The following KLHL38 variants were observed in gnomAD, a reference collection of about 807,000 sequenced individuals.
The protein encoded by KLHL38 is kelch-like protein 38.
A neutral mutation model predicts 39.6 loss-of-function variants in KLHL38; 38 were observed. That is an observed-to-expected ratio of 0.96 (90% CI 0.74 to 1.26). KLHL38 has a LOEUF of 1.26. KLHL38 is among the 50% of genes most tolerant of loss of function. The pLI is 0.00. For synonymous variants in KLHL38, 322 were observed against 302.2 expected (o/e 1.07, Z -0.68); for missense variants, 803 against 748.1 (o/e 1.07, Z -0.86).
chr8:123,646,725 A>T, intron 3 of KLHL38, among the ~76,000 whole-genome samples, 184 bp downstream of exon 3: 1 of 152,244 alleles, frequency 6.6e-6, no homozygotes, highest in South Asian at 2.1e-4. Context: ...TTGTTTACAG[A>T]TAAAGACAGG....
At position 123,651,617 on chromosome 8, in the gene KLHL38, C is replaced by G. The variant is rs200289283; in HGVS notation, c.1310G>C (p.Gly437Ala). The stretch of plus-strand genomic sequence containing the variant: ...AGGGTTCTGCATGATGTCCTCTCCT[C>G]CAAAGAGATAGAGTCTTTGGTCTTT... ...AVKDQRLYLF[G>A]GEDIMQNPVR... The change falls in exon 2 of 4, where the codon GGA (glycine) becomes GCA (alanine). Residue 437 changes from glycine (G) to alanine (A), a missense_variant. Coordinates refer to ENST00000684634, the MANE Select transcript of KLHL38 (RefSeq NM_001081675.3). 76 of 1,607,394 alleles carry G rather than the reference C, an allele frequency of 4.7e-5. No homozygotes were observed. The highest frequency in any genetic ancestry group is 1.0e-4 in the Admixed American group (6 of 59,168).
At position 123,645,055 on chromosome 8, in the gene KLHL38, A is replaced by AGAGG. The variant is rs112968111; in HGVS notation, c.*683_*684insCCTC. Among the ~76,000 whole-genome samples the AGAGG allele has an allele frequency of 6.7e-6, 1 of 149,546 alleles. No individual in the cohort carries two copies. Among genetic ancestry groups the AGAGG allele is most frequent in the Non-Finnish European group, 1.5e-5 (1 of 67,262 alleles). On this transcript the variant is annotated 3_prime_UTR_variant, in exon 4 of 4. Coordinates refer to ENST00000684634, the MANE Select transcript of KLHL38 (RefSeq NM_001081675.3). ...GAGACTGAGAGAGAGAGAGAGAGAGAGGGGCAGAGAGAGGCAGAGAGACAG... is the reference window on the plus strand; with the variant it reads ...GAGACTGAGAGAGAGAGAGAGAGAGAGAGGGGGGCAGAGAGAGGCAGAGAGACAG...
chr8:123,652,155 G>C lies in KLHL38; in HGVS notation c.772C>G (p.Gln258Glu). 1 of 1,614,216 alleles carries C rather than the reference G, an allele frequency of 6.2e-7. No individual in the cohort carries two copies. Among genetic ancestry groups the C allele is most frequent in the African/African-American group, 1.3e-5 (1 of 75,052 alleles). ...GTGGTGCCACACAAAGAGAACATCTGTCTCTTGGCGGTCTCCAAGATGATC... is the reference window on the plus strand; with the variant it reads ...GTGGTGCCACACAAAGAGAACATCTCTCTCTTGGCGGTCTCCAAGATGATC... ...CQIILETAKR[Q>E]MFSLCGTTVP... Residue 258 changes from glutamine (Q) to glutamate (E), a missense_variant, in exon 2 of 4, where the codon CAG becomes GAG. Physicochemically the swap from Gln to Glu is conservative, Grantham distance 29 (BLOSUM62 2). Transcript: ENST00000684634.
chr8:123,645,903 C>T lies in KLHL38; in HGVS notation c.1582G>A (p.Gly528Arg), dbSNP rs559948746. 18 of 1,614,038 alleles carry T rather than the reference C, an allele frequency of 1.1e-5. No individual in the cohort carries two copies. The highest frequency in any genetic ancestry group is 3.3e-4 in the Middle Eastern group (2 of 6,062). Residue 528 changes from glycine (G) to arginine (R), a missense_variant, in exon 4 of 4, where the codon GGG becomes AGG. Physicochemically the swap from Gly to Arg is moderately radical, Grantham distance 125. Coordinates refer to ENST00000684634, the MANE Select transcript of KLHL38 (RefSeq NM_001081675.3). Reference protein sequence around the residue: ...VMGNKLYVTGGRRLTTDCNIE... With the variant: ...VMGNKLYVTGRRRLTTDCNIE... ...TTGCAGTCCGTGGTCAGCCGCCGCC[C>T]GCCCGTCACGTAGAGTTTGTTTCCC...
Position 123,652,772 on chromosome 8 carries a change from A to T in KLHL38, c.155T>A (p.Leu52Gln). Residue 52 changes from leucine to glutamine, a missense_variant, in exon 2 of 4, where the codon CTG becomes CAG. Transcript: ENST00000684634. Reference sequence around the variant, plus strand: ...CCTGAAGTAGGGGCTGCTGGAGGCCAGCACGTTGCGGTGGCAGGGGATCTC... The same window carrying T: ...CCTGAAGTAGGGGCTGCTGGAGGCCTGCACGTTGCGGTGGCAGGGGATCTC... The part of the protein sequence containing the change: ...AREIPCHRNV[L>Q]ASSSPYFRAM... 2 of 1,614,208 alleles carry T rather than the reference A, an allele frequency of 1.2e-6. No homozygotes were observed. Among genetic ancestry groups the T allele is most frequent in the Non-Finnish European group, 1.7e-6 (2 of 1,180,026 alleles).
rs779711465 is a variant in KLHL38 at position 123,652,379 on chromosome 8, T to C, written c.548A>G (p.Tyr183Cys). The C allele has an allele frequency of 8.1e-6, 13 of 1,613,894 alleles. 1 individual carries two copies. The highest frequency in any genetic ancestry group is 6.7e-5 in the East Asian group (3 of 44,884). Reference sequence around the variant, plus strand: ...CCCACAGAGCCCATCATCTCCGAGATAGTCCCTCAACTCCAAGGCACAGAG... The same window carrying C: ...CCCACAGAGCCCATCATCTCCGAGACAGTCCCTCAACTCCAAGGCACAGAG... ...KELCALELRD[Y>C]LGDDGLCGEE... The change falls in exon 2 of 4, where the codon TAT becomes TGT. Residue 183 changes from tyrosine to cysteine, a missense_variant. Tyr to Cys is a radical substitution (Grantham distance 194). Transcript: ENST00000684634.
chr8:123,653,019 A>G (rs1336057231), intron 1 of KLHL38, 92 bp from the exon 2 acceptor site: 1 of 1,257,856 alleles, frequency 8.0e-7, no homozygotes, highest in African/African-American at 1.5e-5. Context: ...GGACTCCAAG[A>G]CCAGTGCTCC....
At position 123,652,404 on chromosome 8, in the gene KLHL38, G is replaced by A. The variant is rs1423308826; in HGVS notation, c.523C>T (p.Leu175Phe). 6.2e-7 allele frequency: 1 copy of A among 1,614,086 alleles called. No homozygotes were observed. The change falls in exon 2 of 4, where the codon CTC (leucine) becomes TTC (phenylalanine). Residue 175 changes from leucine (L) to phenylalanine (F), a missense_variant. Physicochemically the swap from Leu to Phe is conservative, Grantham distance 22. Coordinates refer to ENST00000684634, the MANE Select transcript of KLHL38 (RefSeq NM_001081675.3). ...EVAASADLKE[L>F]CALELRDYLG... ...TAGTCCCTCAACTCCAAGGCACAGA[G>A]CTCCTTCAGGTCGGCCGATGCGGCC...
chr8:123,646,972 T>C lies in KLHL38; in HGVS notation c.1393A>G (p.Arg465Gly). The C allele has an allele frequency of 6.2e-7, 1 of 1,613,812 alleles. No homozygotes were observed. The highest frequency in any genetic ancestry group is 8.5e-7 in the Non-Finnish European group (1 of 1,179,820). ...GGGGCACACACGTTCTTGATCATTC[T>C]TGTCTCCATTTTGAACCACGAGTTT... Reference protein sequence around the residue: ...SRNSWFKMETRMIKNVCAPAV... With the variant: ...SRNSWFKMETGMIKNVCAPAV... The change falls in exon 3 of 4, where the codon AGA (arginine) becomes GGA (glycine). Residue 465 changes from arginine to glycine, a missense_variant. By Grantham distance (125) the Arg-to-Gly change is moderately radical. Coordinates refer to ENST00000684634, the MANE Select transcript of KLHL38 (RefSeq NM_001081675.3).
In KLHL38 at chr8:123,652,931, CAA is replaced by C; in HGVS notation, c.-1-6_-1-5del. ...ATCTAGTGACTCCTCGTCCATCCTA[CAA>C]AGAGGGAAGGAAGCCCCCAGAGTCA... On this transcript the variant is annotated splice_polypyrimidine_tract_variant and splice_region_variant and intron_variant, in intron 1 of 3. Transcript: ENST00000684634. 6.3e-7 allele frequency: 1 copy of C among 1,581,806 alleles called. No individual in the cohort carries two copies. The highest frequency in any genetic ancestry group is 1.7e-4 in the Middle Eastern group (1 of 5,984).
In KLHL38 at chr8:123,652,444, C is replaced by T. The variant is rs377169343; in HGVS notation, c.483G>A (p.Thr161=). ...LKKKAREVAL[T]SFPEVAASAD... ...CCGATGCGGCCACCTCTGGGAAGGA[C>T]GTCAGTGCCACCTCCCTGGCTTTCT... is the stretch of plus-strand genomic sequence containing the variant. Residue 161 remains threonine (T), a synonymous_variant, in exon 2 of 4, where the codon ACG becomes ACA. Coordinates refer to ENST00000684634, the MANE Select transcript of KLHL38 (RefSeq NM_001081675.3). 250 of 1,614,056 alleles carry T rather than the reference C, an allele frequency of 1.5e-4. No individual in the cohort carries two copies. The highest frequency in any genetic ancestry group is 1.9e-4 in the Non-Finnish European group (227 of 1,180,054).
At position 123,651,942 on chromosome 8, in the gene KLHL38, T is replaced by C. The variant is rs776092269; in HGVS notation, c.985A>G (p.Thr329Ala). 11 of 1,614,192 alleles carry C rather than the reference T, an allele frequency of 6.8e-6. No homozygotes were observed. The South Asian group carries it at 1.2e-4, about 18-fold the overall frequency. ...PTRLYKASAI[T>A]LHRSIYVLGG... ...AGCACATAGATGCTGCGGTGCAAGG[T>C]GATGGCAGAGGCCTTGTACAGCCGT... Residue 329 changes from threonine (T) to alanine (A), a missense_variant, in exon 2 of 4, where the codon ACC becomes GCC. Coordinates refer to ENST00000684634, the MANE Select transcript of KLHL38 (RefSeq NM_001081675.3).
chr8:123,647,502 C>T (rs549159246), intron 2 of KLHL38, among the ~76,000 whole-genome samples: 28 of 152,188 alleles, frequency 1.8e-4, no homozygotes, highest in African/African-American at 6.5e-4. Flanking sequence ...CATTACAGTC[C>T]TAGAAAAATG....
At chr8:123,647,445 T>A (rs1209698268) in intron 2 of KLHL38, among the ~76,000 whole-genome samples, 2 of 152,194 alleles carry the variant, frequency 1.3e-5, no homozygotes, top group Non-Finnish European at 2.9e-5. Context: ...CAAGAATAAA[T>A]CTGAGGCTAA....
chr8:123,651,596 T>A lies in KLHL38; in HGVS notation c.1331A>T (p.Asn444Ile), dbSNP rs188006564. ...YLFGGEDIMQ[N>I]PVRLIQVYHI... is the part of the protein sequence containing the mutation. ...ATTTACCTGGATAAGGCGCACAGGG[T>A]TCTGCATGATGTCCTCTCCTCCAAA... Residue 444 changes from asparagine (N) to isoleucine (I), a missense_variant, in exon 2 of 4, where the codon AAC becomes ATC. Transcript: ENST00000684634. 7.9e-4 allele frequency: 1,255 copies of A among 1,591,682 alleles called. 6 individuals are homozygous for A. The African/African-American group carries it at 0.015, about 20-fold the overall frequency.
At chr8:123,649,617 A>G (rs1812598591) in intron 2 of KLHL38, among the ~76,000 whole-genome samples, 1 of 152,172 alleles carries the variant, frequency 6.6e-6, no homozygotes, top group Admixed American at 6.5e-5. Flanking sequence ...TGTTCCTCTC[A>G]GGCTAATCCC....
Position 123,650,200 on chromosome 8 carries a change from T to C in KLHL38, c.1350+1377A>G, listed in dbSNP as rs532602878. ...TTAACCCTGGCACTCTCTCTGATTC[T>C]CTCTGGACCAGCGGTGTCCAATCTT... On this transcript the variant is annotated intron_variant, in intron 2 of 3. Coordinates refer to ENST00000684634, the MANE Select transcript of KLHL38 (RefSeq NM_001081675.3). 2.6e-5 allele frequency among the ~76,000 whole-genome samples: 4 copies of C among 152,208 alleles called. 1 individual carries two copies. In the South Asian group the frequency reaches 8.3e-4, roughly 32 times the overall value.
At position 123,651,592 on chromosome 8, in the gene KLHL38, A is replaced by G. The variant is rs1271192719; in HGVS notation, c.1335T>C (p.Pro445=). ...LFGGEDIMQN[P]VRLIQVYHIS... is the part of the protein sequence containing the mutation. The stretch of plus-strand genomic sequence containing the variant: ...GGCCATTTACCTGGATAAGGCGCAC[A>G]GGGTTCTGCATGATGTCCTCTCCTC... The change falls in exon 2 of 4, where the codon CCT becomes CCC. Residue 445 remains proline, a synonymous_variant. Coordinates refer to ENST00000684634, the MANE Select transcript of KLHL38 (RefSeq NM_001081675.3). 6.3e-7 allele frequency: 1 copy of G among 1,583,582 alleles called. No homozygotes were observed. Among genetic ancestry groups the G allele is most frequent in the Non-Finnish European group, 8.6e-7 (1 of 1,167,652 alleles).
In KLHL38 at chr8:123,645,945, G is replaced by C. The variant is rs1360696885; in HGVS notation, c.1540C>G (p.His514Asp). The C allele has an allele frequency of 6.2e-7, 1 of 1,614,018 alleles. No homozygotes were observed. The highest frequency in any genetic ancestry group is 2.2e-5 in the East Asian group (1 of 44,878). ...TTGTTTCCCATCACTGTGGCCCCAT[G>C]GTGCATCCTCCGGTCTTTCATGTCC... ...CADMKDRRMH[H>D]GATVMGNKLY... The change falls in exon 4 of 4, where the codon CAT becomes GAT. Residue 514 changes from histidine (H) to aspartate (D), a missense_variant. Transcript: ENST00000684634.
Sources: allele counts gnomAD v4.1 joint callset (sites outside exome capture counted in the v4.1 genomes callset), GRCh38; gene constraint gnomAD v4.1.1; transcripts MANE v1.5; gene names NCBI Gene and HGNC (gene_info 2026-07-23, HGNC 2026-07-21).